The following RARB variants were observed in gnomAD, a reference collection of about 807,000 sequenced individuals.
RARB encodes HBV-activated protein.
A neutral mutation model predicts 51.9 loss-of-function variants in RARB; 17 were observed. That is an observed-to-expected ratio of 0.33 (90% confidence interval 0.22 to 0.49). The LOEUF (loss-of-function observed/expected upper bound fraction) is 0.49, where lower values mean the gene tolerates loss of function less well. RARB is among the 20% of genes least tolerant of loss of function. RARB has a pLI of 0.99. For synonymous variants in RARB, 215 were observed against 195.4 expected (o/e 1.10, Z -0.84); for missense variants, 369 against 550.8 (o/e 0.67, Z 3.30).
At chr3:25,570,968 G>A (rs879594384) in intron 4 of RARB, among the ~76,000 whole-genome samples, 15 of 152,006 alleles carry the variant, frequency 9.9e-5, no homozygotes, top group Non-Finnish European at 1.8e-4. Context: ...AGTGAGCGGC[G>A]GGGCTTTGGA....
chr3:25,446,522 G>A (rs1708938841), intron 1 of RARB, among the ~76,000 whole-genome samples: 1 of 152,104 alleles, frequency 6.6e-6, no homozygotes, highest in African/African-American at 2.4e-5. Flanking sequence ...TTAAAAAATG[G>A]GCCGGGCGCA....
At chr3:25,564,509 A>G (rs886552120) in intron 3 of RARB, among the ~76,000 whole-genome samples, 5 of 152,196 alleles carry the variant, frequency 3.3e-5, no homozygotes, top group African/African-American at 1.2e-4. Context: ...AGACCCCAAC[A>G]TGATAGTGAG....
chr3:24,913,249 G>C (rs1249383977), intron 2 of RARB, among the ~76,000 whole-genome samples: 1 of 151,926 alleles, frequency 6.6e-6, no homozygotes, highest in Non-Finnish European at 1.5e-5. Context: ...CTCCCAAAGT[G>C]CTGGGATTAC....
intron 4 of RARB, among the ~76,000 whole-genome samples, chr3:25,135,352 G>A (rs146773394): frequency 2.0e-4 from 30 of 151,870 alleles, no homozygotes; most frequent in Admixed American, 9.9e-4. Context: ...ATTCTAAAGC[G>A]TCCTTCATAT....
At chr3:24,988,931 T>C (rs1309532254) in intron 2 of RARB, among the ~76,000 whole-genome samples, 1 of 152,198 alleles carries the variant, frequency 6.6e-6, no homozygotes, top group East Asian at 1.9e-4. Flanking sequence ...GCTCAAGCAA[T>C]TCTCCTGCCT....
At chr3:24,920,254 G>C (rs73823045) in intron 2 of RARB, among the ~76,000 whole-genome samples, 1,553 of 152,144 alleles carry the variant, frequency 0.01, 30 homozygotes, top group African/African-American at 0.032. Flanking sequence ...TCCCCAATTA[G>C]GGCCAATTTC....
chr3:25,415,026 G>T (rs1448433573), intron 5 of RARB, among the ~76,000 whole-genome samples: 1 of 152,098 alleles, frequency 6.6e-6, no homozygotes, highest in Non-Finnish European at 1.5e-5. Flanking sequence ...ATTTTTAGTA[G>T]AGACGGGGCT....
intron 5 of RARB, among the ~76,000 whole-genome samples, chr3:25,176,481 C>T (rs1290414677): frequency 3.3e-5 from 5 of 150,856 alleles, no homozygotes; most frequent in East Asian, 3.9e-4. Context: ...CTGCAACCTC[C>T]ACCTCCCGGT....
intron 5 of RARB, among the ~76,000 whole-genome samples, chr3:25,252,046 TA>T (rs1278337464): frequency 1.3e-5 from 2 of 152,196 alleles, no homozygotes; most frequent in Non-Finnish European, 2.9e-5. Flanking sequence ...TGATGTGAGA[TA>T]GGGGTCTAAT....
chr3:25,448,073 A>C (rs1575413116), intron 1 of RARB, among the ~76,000 whole-genome samples: 1 of 152,012 alleles, frequency 6.6e-6, no homozygotes, highest in African/African-American at 2.4e-5. Flanking sequence ...ATACAAGCAG[A>C]AATTGAGGCT....
intron 4 of RARB, among the ~76,000 whole-genome samples, chr3:25,136,979 A>G (rs1262866399): frequency 1.3e-5 from 2 of 152,028 alleles, no homozygotes; most frequent in South Asian, 2.1e-4. Flanking sequence ...GAGTGCACCT[A>G]AATTGTTCAA....
At chr3:25,391,164 G>C (rs1418027602) in intron 5 of RARB, among the ~76,000 whole-genome samples, 2 of 152,140 alleles carry the variant, frequency 1.3e-5, no homozygotes, top group East Asian at 3.9e-4. Flanking sequence ...TTCCATTCCA[G>C]AGTGACTTCA....
chr3:25,433,884 C>A lies in RARB; in HGVS notation c.157+4996C>A, dbSNP rs1559399481. Among the ~76,000 whole-genome samples, 6 of 152,320 alleles carry A rather than the reference C, an allele frequency of 3.9e-5. No individual in the cohort carries two copies. In the South Asian group the frequency reaches 1.2e-3, roughly 32 times the overall value. On this transcript the variant is annotated intron_variant, in intron 1 of 7. Coordinates refer to ENST00000330688, the MANE Select transcript of RARB (RefSeq NM_000965.5). Reference sequence around the variant, plus strand: ...AATGAAAAATAAAGTTGCAAAAGTTCTCTCTACCTAGGAAGCAGGAGAGCC... The same window carrying A: ...AATGAAAAATAAAGTTGCAAAAGTTATCTCTACCTAGGAAGCAGGAGAGCC...
chr3:25,500,402 GA>G (rs1241599657), intron 2 of RARB, among the ~76,000 whole-genome samples: 2 of 142,800 alleles, frequency 1.4e-5, no homozygotes, highest in Non-Finnish European at 3.0e-5. Context: ...AGACTCCTTT[GA>G]AAAAACTAAC....
intron 5 of RARB, among the ~76,000 whole-genome samples, chr3:25,281,258 A>G (rs775952181): frequency 2.6e-5 from 4 of 152,222 alleles, no homozygotes; most frequent in African/African-American, 4.8e-5. Flanking sequence ...CAGTTTAGTC[A>G]CAAAGGGCCA....
chr3:25,167,085 C>G (rs146870576), intron 4 of RARB, among the ~76,000 whole-genome samples: 2 of 152,280 alleles, frequency 1.3e-5, no homozygotes, highest in African/African-American at 2.4e-5. Flanking sequence ...TTAATCTTGT[C>G]TCATCTGTGG....
chr3:25,510,345 C>T (rs375582806), intron 3 of RARB, among the ~76,000 whole-genome samples: 48 of 152,208 alleles, frequency 3.2e-4, no homozygotes, highest in African/African-American at 1.0e-3. Flanking sequence ...AATTACAGGC[C>T]GGGCACAGTG....
intron 3 of RARB, among the ~76,000 whole-genome samples, chr3:25,503,676 A>G (rs1243880403): frequency 1.3e-5 from 2 of 152,234 alleles, no homozygotes; most frequent in Non-Finnish European, 2.9e-5. Flanking sequence ...AGGAAATTGA[A>G]GGGAAAGAAA....
chr3:25,266,434 G>GT (rs1164525144), intron 5 of RARB, among the ~76,000 whole-genome samples: 3 of 151,902 alleles, frequency 2.0e-5, no homozygotes, highest in East Asian at 1.9e-4. Flanking sequence ...ATTTATTGGA[G>GT]TTTTTTATAT....
Sources: allele counts gnomAD v4.1 joint callset (sites outside exome capture counted in the v4.1 genomes callset), GRCh38; gene constraint gnomAD v4.1.1; transcripts MANE v1.5; gene names NCBI Gene and HGNC (gene_info 2026-07-23, HGNC 2026-07-21).